Variants in RYR3 observed in about 807,000 individuals in gnomAD.
The protein encoded by RYR3 is brain ryanodine receptor-calcium release channel.
RYR3 carries 207 observed loss-of-function variants against 584.3 expected under a neutral mutation model. The observed-to-expected ratio is 0.35, with a 90% CI of 0.32 to 0.40. The LOEUF (loss-of-function observed/expected upper bound fraction) is 0.40. RYR3 is among the 10% of genes least tolerant of loss of function. The pLI is 1.00. For missense variants in RYR3, 5,616 were observed against 6,089.2 expected (o/e 0.92, Z 2.59); for synonymous variants, 2,416 against 2,248.5 (o/e 1.07, Z -2.11).
At chr15:33,437,093 AGTGTGT>A (rs1232427544) in intron 1 of RYR3, among the ~76,000 whole-genome samples, 1 of 147,404 alleles carries the variant, frequency 6.8e-6, no homozygotes, top group African/African-American at 2.5e-5. Context: ...CATGTGTTTG[AGTGTGT>A]GTGAGAGAGA....
At chr15:33,742,608 C>T (rs577103931) in intron 52 of RYR3, among the ~76,000 whole-genome samples, 164 bp downstream of exon 52, 17 of 152,238 alleles carry the variant, frequency 1.1e-4, no homozygotes, top group African/African-American at 4.1e-4. Flanking sequence ...TGGTGGAGGT[C>T]AAAGAAATAG....
At chr15:33,562,006 GA>G (rs1485344699) in intron 10 of RYR3, among the ~76,000 whole-genome samples, 2 of 151,850 alleles carry the variant, frequency 1.3e-5, no homozygotes, top group Non-Finnish European at 2.9e-5. Flanking sequence ...TTTTACAAAT[GA>G]GCAATTTAAT....
rs547959442 is a variant in RYR3 at position 33,818,936 on chromosome 15, C to T, written c.10706+252C>T. Among the ~76,000 whole-genome samples, 509 of 152,272 alleles carry T rather than the reference C, an allele frequency of 3.3e-3. 4 individuals are homozygous for T. The highest frequency in any genetic ancestry group is 0.017 in the Middle Eastern group (5 of 294). On this transcript the variant is annotated intron_variant, in intron 76 of 103. Coordinates refer to ENST00000634891, the MANE Select transcript of RYR3 (RefSeq NM_001036.6). ...GGCAGGAGTTCGAGGCCAGCCTGACCGACATGGTGAAACACCATCTCTACT... is the reference window on the plus strand; with the variant it reads ...GGCAGGAGTTCGAGGCCAGCCTGACTGACATGGTGAAACACCATCTCTACT...
At position 33,677,521 on chromosome 15, in the gene RYR3, G is replaced by A. The variant is rs975723300; in HGVS notation, c.5860+6965G>A. 2.0e-5 allele frequency among the ~76,000 whole-genome samples: 3 copies of A among 152,126 alleles called. No individual in the cohort carries two copies. The South Asian group carries it at 6.2e-4, about 32-fold the overall frequency. ...CTACATGTATTGAAAAACTGATTAT[G>A]AGGCTGGTTGACAGATTTCAAAAAC... On this transcript the variant is annotated intron_variant, in intron 38 of 103. Coordinates refer to ENST00000634891, the MANE Select transcript of RYR3 (RefSeq NM_001036.6).
At position 33,311,113 on chromosome 15, in the gene RYR3, G is replaced by C; in HGVS notation, c.51+17G>C. The C allele has an allele frequency of 6.4e-7, 1 of 1,562,572 alleles. No homozygotes were observed. The highest frequency in any genetic ancestry group is 1.8e-5 in the Admixed American group (1 of 54,938). On this transcript the variant is annotated intron_variant, in intron 1 of 103. Coordinates refer to ENST00000634891, the MANE Select transcript of RYR3 (RefSeq NM_001036.6). The surrounding 1 kb of genome is among the most constrained non-coding windows in gnomAD (Gnocchi z 4.4). ...CTGAGGACTGTGAGTCTCCGCGGCG[G>C]GGGCGAGGCCGTGGGCAGGTGGGGA... is the stretch of plus-strand genomic sequence containing the variant.
chr15:33,782,119 T>C (rs911809757), intron 65 of RYR3, among the ~76,000 whole-genome samples: 1 of 152,224 alleles, frequency 6.6e-6, no homozygotes, highest in Non-Finnish European at 1.5e-5. Flanking sequence ...TCTCTGTCTC[T>C]ATACCAGCAC....
rs113136250 is a variant in RYR3, at chr15:33,450,603, CTT to C, written c.52-22804_52-22803del. Among the ~76,000 whole-genome samples, 125 of 140,556 alleles carry C rather than the reference CTT, an allele frequency of 8.9e-4. No homozygotes were observed. In the South Asian group the frequency reaches 0.018, roughly 21 times the overall value. 92.2% of individuals were successfully genotyped at this position (140,556 alleles called of 152,430 possible). ...TCTGTTCTTGAATTTTTTGAGGGTT[CTT>C]TTTTTTTTTTTAATACAATGTCAGC... On this transcript the variant is annotated intron_variant, in intron 1 of 103. Coordinates refer to ENST00000634891, the MANE Select transcript of RYR3 (RefSeq NM_001036.6).
At chr15:33,567,406 C>T (rs2057772813) in intron 12 of RYR3, among the ~76,000 whole-genome samples, 1 of 152,162 alleles carries the variant, frequency 6.6e-6, no homozygotes, top group South Asian at 2.1e-4. Flanking sequence ...CAAGACCATT[C>T]TTCTCTTGTA....
intron 37 of RYR3, among the ~76,000 whole-genome samples, 193 bp from the exon 38 acceptor site, chr15:33,670,226 A>G (rs2063761381): frequency 9.9e-6 from 1 of 101,180 alleles, no homozygotes; most frequent in Non-Finnish European, 2.2e-5. Flanking sequence ...GTTCTGATAA[A>G]CAGGAAATCA....
chr15:33,355,149 A>T (rs1292268409), intron 1 of RYR3, among the ~76,000 whole-genome samples: 1 of 146,290 alleles, frequency 6.8e-6, no homozygotes, highest in Non-Finnish European at 1.5e-5. Context: ...GTGCCATTGC[A>T]CTCCAGCCTG....
chr15:33,756,285 G>GTGT, intron 58 of RYR3, 21 bp from the exon 59 acceptor site: 1 of 1,554,128 alleles, frequency 6.4e-7, no homozygotes, highest in Non-Finnish European at 8.7e-7. Context: ...GGCCAACTTT[G>GTGT]TGTTACCTGT....
rs2063225461 is a variant in RYR3 at position 33,662,511 on chromosome 15, C to T, written c.4981C>T (p.Leu1661Phe). 1 of 1,613,926 alleles carries T rather than the reference C, an allele frequency of 6.2e-7. No individual in the cohort carries two copies. The highest frequency in any genetic ancestry group is 1.7e-5 in the Admixed American group (1 of 60,010). The part of the protein sequence containing the change: ...GLPGVGLRTC[L>F]KPGFRFSTPC... ...GCCTGGGGTGGGCCTGAGAACATGTCTCAAGCCCGGGTTCAGGTTCTCCAC... is the reference window on the plus strand; with the variant it reads ...GCCTGGGGTGGGCCTGAGAACATGTTTCAAGCCCGGGTTCAGGTTCTCCAC... Residue 1661 changes from leucine (L) to phenylalanine (F), a missense_variant, in exon 35 of 104, where the codon CTC becomes TTC. By Grantham distance (22) the Leu-to-Phe change is conservative. This residue lies in a region of RYR3 where 753 missense variants were observed against 741.0 expected (regional missense o/e 1.02). Coordinates refer to ENST00000634891, the MANE Select transcript of RYR3 (RefSeq NM_001036.6).
chr15:33,708,503 G>A (rs74005964), intron 43 of RYR3, among the ~76,000 whole-genome samples: 4,072 of 152,184 alleles, frequency 0.027, 177 homozygotes, highest in African/African-American at 0.093. Context: ...CTAAACTCTA[G>A]ACCAAAAGGT....
Position 33,624,033 on chromosome 15 carries a change from A to G in RYR3, c.2574+10A>G, listed in dbSNP as rs1267030827. On this transcript the variant is annotated intron_variant, in intron 20 of 103. Transcript: ENST00000634891. ...CGTAGACACCAGTCAGGTAGGTTCA[A>G]ATTGCCCGCAGAAGGCAACCAATAT... is the stretch of plus-strand genomic sequence containing the variant. 1 of 1,600,972 alleles carries G rather than the reference A, an allele frequency of 6.2e-7. No individual in the cohort carries two copies. Among genetic ancestry groups the G allele is most frequent in the African/African-American group, 1.3e-5 (1 of 74,692 alleles).
intron 64 of RYR3, among the ~76,000 whole-genome samples, chr15:33,776,633 C>T (rs977125864): frequency 2.6e-5 from 4 of 152,328 alleles, no homozygotes; most frequent in Middle Eastern, 3.4e-3. Context: ...AGACCCGTGT[C>T]CTGCCCTGTC....
At position 33,353,733 on chromosome 15, in the gene RYR3, C is replaced by T. The variant is rs116308037; in HGVS notation, c.51+42637C>T. On this transcript the variant is annotated intron_variant, in intron 1 of 103. Coordinates refer to ENST00000634891, the MANE Select transcript of RYR3 (RefSeq NM_001036.6). ...GCTGTGATTCTGTGAAATACTCCTG[C>T]GGAGCAGTTTTCCCTCAATTAACAG... Among the ~76,000 whole-genome samples, 1,124 of 152,200 alleles carry T rather than the reference C, an allele frequency of 7.4e-3. 13 individuals carry two copies. The highest frequency in any genetic ancestry group is 0.019 in the African/African-American group (769 of 41,536).
At chr15:33,422,218 T>C (rs533491796) in intron 1 of RYR3, among the ~76,000 whole-genome samples, 2 of 152,270 alleles carry the variant, frequency 1.3e-5, no homozygotes, top group African/African-American at 4.8e-5. Context: ...GTTTTATTAC[T>C]TGACACCTGG....
chr15:33,749,843 T>C (rs1293610291), intron 55 of RYR3, 136 bp from the exon 56 acceptor site: 4 of 674,058 alleles, frequency 5.9e-6, no homozygotes, highest in Non-Finnish European at 1.0e-5. Flanking sequence ...TAATTAATGA[T>C]GGGAAGCCCT....
rs1226537924 is a variant in RYR3 at position 33,821,357 on chromosome 15, A to G, written c.10903A>G (p.Ser3635Gly). 3 of 1,601,460 alleles carry G rather than the reference A, an allele frequency of 1.9e-6. No homozygotes were observed. The highest frequency in any genetic ancestry group is 1.1e-5 in the South Asian group (1 of 88,240). Residue 3635 changes from serine to glycine, a missense_variant, in exon 79 of 104, where the codon AGC (serine) becomes GGC (glycine). Physicochemically the swap from Ser to Gly is moderately conservative, Grantham distance 56. Around this residue, in one of 9 missense-constraint regions of RYR3, gnomAD observed 954 missense variants for 1,132.2 expected, o/e 0.84. Transcript: ENST00000634891. ...TGCAGAGATGGTCCTTCAGATGATA[A>G]GCGCTAGCAAAGGTGATTTCCCTAG... ...GAAEMVLQMI[S>G]ASKGEMSPMV...
Sources: allele counts gnomAD v4.1 joint callset (sites outside exome capture counted in the v4.1 genomes callset), GRCh38; gene constraint gnomAD v4.1.1; regional missense constraint gnomAD v4.1.1; non-coding constraint Gnocchi (gnomAD v3.1); transcripts MANE v1.5; gene names NCBI Gene and HGNC (gene_info 2026-07-23, HGNC 2026-07-21).